UTY: variants seen among roughly 807,000 people sequenced by gnomAD.
The protein encoded by UTY is ubiquitously transcribed tetratricopeptide repeat containing, Y-linked, also known as histone demethylase UTY.
UTY carries 12 observed loss-of-function variants against 32.5 expected under a neutral mutation model. The ratio of observed to expected loss-of-function variants is 0.37; its 90% CI spans 0.24 to 0.60. UTY has a LOEUF of 0.60. UTY is among the 20% of genes least tolerant of loss of function. The pLI is 0.69. For missense variants in UTY, 303 were observed against 299.2 expected (o/e 1.01, Z -0.09); for synonymous variants, 131 against 103.4 (o/e 1.27, Z -1.62).
At chrY:13,263,735 C>T (rs1603266319) in intron 27 of UTY, among the ~76,000 whole-genome samples, 2 of 33,861 alleles carry the variant, frequency 5.9e-5, no homozygotes, top group South Asian at 1.3e-3. Context: ...AATACTGAGA[C>T]GCCTAAAAGG....
At chrY:13,388,297 T>C in intron 8 of UTY, among the ~76,000 whole-genome samples, 1 of 34,375 alleles carries the variant, frequency 2.9e-5, no homozygotes, top group Non-Finnish European at 7.3e-5. Flanking sequence ...CATTTGTAGA[T>C]ACTTATGTTA....
At chrY:13,409,635 G>C in intron 6 of UTY, among the ~76,000 whole-genome samples, 1 of 33,495 alleles carries the variant, frequency 3.0e-5, no homozygotes, top group Non-Finnish European at 7.4e-5. Flanking sequence ...TATCTAGTCT[G>C]ACAAGAGTGT....
At position 13,319,893 on chromosome Y, in the gene UTY, A is replaced by T. The variant is rs1603389203; in HGVS notation, c.3276+3662T>A. 9.0e-5 allele frequency among the ~76,000 whole-genome samples: 3 copies of T among 33,319 alleles called. No homozygotes were observed. In the East Asian group the frequency reaches 2.3e-3, roughly 25 times the overall value. The allele number at this position is 33,319 out of a possible 37,273, so 89.4% of individuals were successfully genotyped here. A position where few individuals can be genotyped will look rare whatever the true frequency, so the allele number is the denominator to read the frequency against. ...ATAATGAAGGTTTCACCTTTTTTTT[A>T]AAAAAATTATTGAGTTATCACTCTG... On this transcript the variant is annotated intron_variant, in intron 21 of 29. Transcript: ENST00000545955.
At chrY:13,339,170 C>T (rs2149076981) in intron 17 of UTY, among the ~76,000 whole-genome samples, 1 of 33,538 alleles carries the variant, frequency 3.0e-5, no homozygotes, top group South Asian at 6.6e-4. Flanking sequence ...TAGACTGTCT[C>T]GAACCTTTTT....
chrY:13,286,157 G>A, intron 27 of UTY, among the ~76,000 whole-genome samples: 1 of 33,824 alleles, frequency 3.0e-5, no homozygotes, highest in East Asian at 7.8e-4. Flanking sequence ...ACTGGTCTAC[G>A]CAGAGCCAAG....
At position 13,323,597 on chromosome Y, in the gene UTY, T is replaced by C; in HGVS notation, c.3234A>G (p.Lys1078=). 2.5e-6 allele frequency: 1 copy of C among 397,912 alleles called. No individual in the cohort carries two copies. The highest frequency in any genetic ancestry group is 3.5e-6 in the Non-Finnish European group (1 of 282,904). Residue 1078 remains lysine, a synonymous_variant, in exon 21 of 30, where the codon AAA becomes AAG. Transcript: ENST00000545955. ...AGGAGGAAGCCTGGTATTGTGCGTA[T>C]TTGGCAATTGTAGTATGAGATCTAT... The part of the protein sequence containing the change: ...ESNRSHTTIA[K]YAQYQASSFQ...
At chrY:13,423,308 G>A in intron 4 of UTY, among the ~76,000 whole-genome samples, 1 of 33,137 alleles carries the variant, frequency 3.0e-5, no homozygotes, top group East Asian at 7.9e-4. Context: ...ACTCCACCAC[G>A]CACAGACATA....
chrY:13,280,585 C>T (rs894210824), intron 27 of UTY, among the ~76,000 whole-genome samples: 1 of 33,160 alleles, frequency 3.0e-5, no homozygotes, highest in East Asian at 8.0e-4. Flanking sequence ...CGTGTTGGCT[C>T]ACTGCAACCT....
At position 13,479,546 on chromosome Y, in the gene UTY, G is replaced by C; in HGVS notation, c.120C>G (p.Val40=). 2.5e-6 allele frequency: 1 copy of C among 398,560 alleles called. No homozygotes were observed. Among genetic ancestry groups the C allele is most frequent in the Non-Finnish European group, 3.5e-6 (1 of 283,582 alleles). The part of the protein sequence containing the change: ...ESEEESVSLT[V]EEREALGGMD... ...TGCCACCAAGCGCCTCCCTTTCCTC[G>C]ACTGTCAGGCTAACAGACTCCTCTT... The change falls in exon 1 of 30, where the codon GTC becomes GTG. Residue 40 remains valine, a synonymous_variant. Coordinates refer to ENST00000545955, the MANE Select transcript of UTY (RefSeq NM_001258249.2).
chrY:13,372,922 T>C, intron 8 of UTY, among the ~76,000 whole-genome samples: 3 of 33,340 alleles, frequency 9.0e-5, no homozygotes, highest in Non-Finnish European at 2.2e-4. Flanking sequence ...GTGGAGAAAT[T>C]TGAACCCTTG....
At chrY:13,471,268 A>G (rs2078450514) in intron 2 of UTY, among the ~76,000 whole-genome samples, 1 of 34,083 alleles carries the variant, frequency 2.9e-5, no homozygotes, top group East Asian at 7.6e-4. Context: ...GAAGGAAAGG[A>G]GCAAGGCTAA....
intron 27 of UTY, among the ~76,000 whole-genome samples, chrY:13,281,567 T>C: frequency 3.0e-5 from 1 of 33,359 alleles, no homozygotes; most frequent in African/African-American, 1.2e-4. Flanking sequence ...AGATATTCTA[T>C]GCAAACAAAA....
intron 8 of UTY, among the ~76,000 whole-genome samples, chrY:13,380,386 T>TA (rs2065997264): frequency 2.3e-4 from 7 of 30,317 alleles, no homozygotes; most frequent in Admixed American, 2.2e-3. Context: ...TTTGAAGACT[T>TA]ACTGGTAAAC....
chrY:13,340,437 G>A (rs765992703), intron 17 of UTY, among the ~76,000 whole-genome samples: 218 of 32,846 alleles, frequency 6.6e-3, no homozygotes, highest in African/African-American at 0.024. Context: ...TGCCCTGGCC[G>A]CCTCCGGAGA....
chrY:13,418,285 A>G (rs1603457744), intron 4 of UTY, among the ~76,000 whole-genome samples: 1 of 31,911 alleles, frequency 3.1e-5, no homozygotes, highest in African/African-American at 1.2e-4. Context: ...TATACGTGAC[A>G]CATTTTCTTA....
intron 18 of UTY, among the ~76,000 whole-genome samples, chrY:13,329,658 C>T: frequency 3.0e-5 from 1 of 33,572 alleles, no homozygotes; most frequent in Non-Finnish European, 7.4e-5. Context: ...ATGACCAAAC[C>T]GTATAGTATG....
chrY:13,370,454 TTC>T lies in UTY; in HGVS notation c.646-1107_646-1106del, dbSNP rs2064785351. ...CAGTGAGAGGTAAACAACACTATTT[TTC>T]TCTCTTTCTCTTTCTCTCACACACA... On this transcript the variant is annotated intron_variant, in intron 8 of 29. Coordinates refer to ENST00000545955, the MANE Select transcript of UTY (RefSeq NM_001258249.2). Among the ~76,000 whole-genome samples, 4 of 33,716 alleles carry T rather than the reference TTC, an allele frequency of 1.2e-4. No individual in the cohort carries two copies. The East Asian group carries it at 2.3e-3, about 19-fold the overall frequency. The allele number at this position is 33,716 out of a possible 37,273, so 90.5% of individuals were successfully genotyped here. A position where few individuals can be genotyped will look rare whatever the true frequency, so the allele number is the denominator to read the frequency against.
chrY:13,461,158 A>C, intron 3 of UTY, among the ~76,000 whole-genome samples: 1 of 29,449 alleles, frequency 3.4e-5, no homozygotes, highest in Non-Finnish European at 8.1e-5. Flanking sequence ...AGAAGGAAGG[A>C]AAGGAAGAAA....
At chrY:13,318,434 T>A (rs972962041) in intron 21 of UTY, among the ~76,000 whole-genome samples, 6 of 31,172 alleles carry the variant, frequency 1.9e-4, no homozygotes, top group African/African-American at 7.5e-4. Flanking sequence ...CCCATCTGCA[T>A]AAGTCACAAT....
Sources: gnomAD v4.1 joint callset for allele counts (sites outside exome capture counted in the v4.1 genomes callset) on GRCh38, gnomAD v4.1.1 for gene constraint, MANE v1.5 for transcripts, NCBI Gene and HGNC (gene_info 2026-07-23, HGNC 2026-07-21) for gene names.